Variants in TRABD2B observed in about 807,000 individuals in gnomAD.
TRABD2B encodes the protein metalloprotease TIKI2.
A neutral mutation model predicts 40.1 loss-of-function variants in TRABD2B; 14 were observed. The observed-to-expected ratio is 0.35, with a 90% CI of 0.23 to 0.55. The LOEUF (loss-of-function observed/expected upper bound fraction) is 0.55, where lower values mean the gene tolerates loss of function less well. Ranked by LOEUF, TRABD2B falls within the 20% of genes least tolerant of loss-of-function variation. The probability of loss-of-function intolerance (pLI) is 0.90; values close to 1 mark genes in which losing one functional copy is unlikely to be tolerated. For synonymous variants in TRABD2B, 263 were observed against 277.0 expected (o/e 0.95, Z 0.50); for missense variants, 541 against 648.6 (o/e 0.83, Z 1.80).
rs952143420 is a variant in TRABD2B, at chr1:47,997,026, C to T, written c.-237G>A. The T allele has an allele frequency of 1.9e-6, 2 of 1,065,006 alleles. No homozygotes were observed. The highest frequency in any genetic ancestry group is 3.4e-5 in the African/African-American group (2 of 59,018). The allele number at this position is 1,065,006 out of a possible 1,614,324, so 66.0% of individuals were successfully genotyped here. ...GGGCTGGGCCCCTCCCCCGGGCGCT[C>T]AACCTCGCTGGCCGAGCCCCCGGGT... On this transcript the variant is annotated 5_prime_UTR_variant, in exon 1 of 7. Coordinates refer to ENST00000606738, the MANE Select transcript of TRABD2B (RefSeq NM_001194986.2).
chr1:47,880,138 A>T (rs1488480474), intron 2 of TRABD2B, among the ~76,000 whole-genome samples: 4 of 152,174 alleles, frequency 2.6e-5, no homozygotes, highest in African/African-American at 9.7e-5. Flanking sequence ...GGTGAAACCC[A>T]TCTCTACTAA....
At chr1:47,943,993 T>C (rs1031889198) in intron 2 of TRABD2B, among the ~76,000 whole-genome samples, 40 of 152,200 alleles carry the variant, frequency 2.6e-4, no homozygotes, top group African/African-American at 9.2e-4. Flanking sequence ...ACTCAACTAA[T>C]CATTTCTGCA....
intron 6 of TRABD2B, 62 bp from the exon 7 acceptor site, chr1:47,766,168 T>C: frequency 2.9e-6 from 2 of 695,152 alleles, no homozygotes; most frequent in Admixed American, 4.1e-5. Context: ...GCAGAAGCCT[T>C]GGGGCTCAGA....
At chr1:47,890,926 C>T (rs1046543547) in intron 2 of TRABD2B, among the ~76,000 whole-genome samples, 1 of 152,246 alleles carries the variant, frequency 6.6e-6, no homozygotes, top group Non-Finnish European at 1.5e-5. Context: ...GTTCCCATCC[C>T]TATCTTGTTT....
At chr1:47,960,649 T>C (rs1645499010) in intron 2 of TRABD2B, among the ~76,000 whole-genome samples, 1 of 151,952 alleles carries the variant, frequency 6.6e-6, no homozygotes, top group Non-Finnish European at 1.5e-5. Flanking sequence ...GAATCCAACT[T>C]AAAAGGGATG....
At chr1:47,949,393 T>TTTTC (rs1313038868) in intron 2 of TRABD2B, among the ~76,000 whole-genome samples, 3 of 144,306 alleles carry the variant, frequency 2.1e-5, no homozygotes, top group South Asian at 2.3e-4. Flanking sequence ...TTGTATTTTC[T>TTTTC]TTTCTTTCTT....
At chr1:47,898,657 A>G (rs1254723157) in intron 2 of TRABD2B, among the ~76,000 whole-genome samples, 1 of 152,192 alleles carries the variant, frequency 6.6e-6, no homozygotes, top group African/African-American at 2.4e-5. Context: ...ACCTGAACTT[A>G]TCCAAGGCTA....
intron 2 of TRABD2B, among the ~76,000 whole-genome samples, chr1:47,825,747 C>T (rs1179312794): frequency 2.6e-5 from 4 of 152,132 alleles, no homozygotes; most frequent in Admixed American, 2.0e-4. Context: ...AGGGTGGGCA[C>T]TGAGCCGGGA....
At chr1:47,794,322 C>T (rs549713052) in intron 4 of TRABD2B, among the ~76,000 whole-genome samples, 4 of 152,288 alleles carry the variant, frequency 2.6e-5, no homozygotes, top group Non-Finnish European at 4.4e-5. Context: ...CACATGGCTG[C>T]CTGGGGGCAT....
chr1:47,924,132 G>A (rs1298187205), intron 2 of TRABD2B, among the ~76,000 whole-genome samples: 2 of 152,042 alleles, frequency 1.3e-5, no homozygotes, highest in East Asian at 3.9e-4. Context: ...TTTTCACTCT[G>A]CCACGGAATA....
In TRABD2B at chr1:47,941,899, G is replaced by T. The variant is rs563256430; in HGVS notation, c.666+52135C>A. On this transcript the variant is annotated intron_variant, in intron 2 of 6. Coordinates refer to ENST00000606738, the MANE Select transcript of TRABD2B (RefSeq NM_001194986.2). Reference sequence around the variant, plus strand: ...CCAGGTTTTAGTGTGAGGATTCAATGAATTAACACTTGTGAAGTTCTTGGA... The same window carrying T: ...CCAGGTTTTAGTGTGAGGATTCAATTAATTAACACTTGTGAAGTTCTTGGA... 2.6e-5 allele frequency among the ~76,000 whole-genome samples: 4 copies of T among 152,330 alleles called. No homozygotes were observed. In the East Asian group the frequency reaches 7.7e-4, roughly 29 times the overall value.
chr1:47,843,660 G>T (rs907495735), intron 2 of TRABD2B, among the ~76,000 whole-genome samples: 2 of 152,158 alleles, frequency 1.3e-5, no homozygotes, highest in Non-Finnish European at 2.9e-5. Flanking sequence ...GAGGTCAGGG[G>T]CATGAGGAGG....
At chr1:47,930,088 C>G (rs1459723184) in intron 2 of TRABD2B, among the ~76,000 whole-genome samples, 1 of 152,192 alleles carries the variant, frequency 6.6e-6, no homozygotes, top group Non-Finnish European at 1.5e-5. Flanking sequence ...CAGGGAGGTG[C>G]CCAGTTCTGG....
intron 2 of TRABD2B, among the ~76,000 whole-genome samples, chr1:47,866,829 C>A (rs1162592499): frequency 1.3e-5 from 2 of 152,152 alleles, no homozygotes; most frequent in African/African-American, 2.4e-5. Flanking sequence ...AACAAACACC[C>A]AAATGAAGGC....
chr1:47,874,252 ATTT>A (rs61411862), intron 2 of TRABD2B, among the ~76,000 whole-genome samples: 16 of 90,524 alleles, frequency 1.8e-4, no homozygotes, highest in Admixed American at 4.7e-4. Flanking sequence ...TGATTAATTA[ATTT>A]TTTTTTTTTT....
rs74642191 is a variant in TRABD2B, at chr1:47,987,684, T to C, written c.666+6350A>G. Among the ~76,000 whole-genome samples, 6 of 152,140 alleles carry C rather than the reference T, an allele frequency of 3.9e-5. No individual in the cohort carries two copies. The East Asian group carries it at 1.2e-3, about 29-fold the overall frequency. On this transcript the variant is annotated intron_variant, in intron 2 of 6. Coordinates refer to ENST00000606738, the MANE Select transcript of TRABD2B (RefSeq NM_001194986.2). ...ACAGAGCTCGCCATGCCTGCAGGGG[T>C]TCTTCACAAACAGCCCTCTGGGCAC...
At chr1:47,880,779 T>C (rs1284894088) in intron 2 of TRABD2B, among the ~76,000 whole-genome samples, 2 of 152,218 alleles carry the variant, frequency 1.3e-5, no homozygotes, top group Non-Finnish European at 2.9e-5. Context: ...AGCAGGCTTC[T>C]CCGCCTCTCA....
intron 2 of TRABD2B, among the ~76,000 whole-genome samples, chr1:47,955,289 C>A (rs139746715): frequency 6.6e-6 from 1 of 152,206 alleles, no homozygotes; most frequent in African/African-American, 2.4e-5. Flanking sequence ...TTCTAGTCAC[C>A]TCCTTCCCCA....
intron 2 of TRABD2B, among the ~76,000 whole-genome samples, chr1:47,836,510 T>C (rs1208330107): frequency 6.6e-6 from 1 of 152,210 alleles, no homozygotes; most frequent in African/African-American, 2.4e-5. Context: ...TGGAATTATG[T>C]GTGTTGTCCT....
Sources: allele counts gnomAD v4.1 joint callset (sites outside exome capture counted in the v4.1 genomes callset), GRCh38; gene constraint gnomAD v4.1.1; transcripts MANE v1.5; gene names NCBI Gene and HGNC (gene_info 2026-07-23, HGNC 2026-07-21).